DGKG: variants seen among roughly 807,000 people sequenced by gnomAD.
The protein encoded by DGKG is DAG kinase gamma.
Under a neutral mutation model 105.3 loss-of-function variants are expected in DGKG, and 78 were observed. The ratio of observed to expected loss-of-function variants is 0.74; its 90% confidence interval spans 0.62 to 0.89. DGKG has a LOEUF of 0.89. Among genes scored for constraint, DGKG ranks in the 40% least tolerant of loss-of-function variants. The pLI, the probability that DGKG is intolerant of heterozygous loss-of-function variation, is 0.00. For missense variants in DGKG, 958 were observed against 1,020.1 expected (o/e 0.94, Z 0.83); for synonymous variants, 346 against 367.1 (o/e 0.94, Z 0.66).
rs762778462 is a variant in DGKG, at chr3:186,188,268, G to C, written c.2029C>G (p.Arg677Gly). 23 of 1,613,996 alleles carry C rather than the reference G, an allele frequency of 1.4e-5. No homozygotes were observed. The South Asian group carries it at 2.5e-4, about 18-fold the overall frequency. The part of the protein sequence containing the change: ...TNLWGENKKN[R>G]AVIRESRKGV... ...TTCCTGCTTTCCCGGATCACAGCCC[G>C]GTTCTTCTTGTTTTCTCCCCAGAGA... is the stretch of plus-strand genomic sequence containing the variant. The change falls in exon 22 of 25, where the codon CGG (arginine) becomes GGG (glycine). Residue 677 changes from arginine (R) to glycine (G), a missense_variant. Around this residue, in one of 2 missense-constraint regions of DGKG, gnomAD observed 315 missense variants for 400.6 expected, o/e 0.79. Coordinates refer to ENST00000265022, the MANE Select transcript of DGKG (RefSeq NM_001346.3).
In DGKG at chr3:186,188,137, C is replaced by T. The variant is rs781666602; in HGVS notation, c.2095+65G>A. 3.2e-6 allele frequency: 5 copies of T among 1,579,498 alleles called. No homozygotes were observed. The African/African-American group carries it at 5.4e-5, about 17-fold the overall frequency. ...TGTGGGGCCTTACGAGGCCTGCTGACATCCACCTGAGGGCACCTACTACTG... is the reference window on the plus strand; with the variant it reads ...TGTGGGGCCTTACGAGGCCTGCTGATATCCACCTGAGGGCACCTACTACTG... On this transcript the variant is annotated intron_variant, in intron 22 of 24. Transcript: ENST00000265022.
chr3:186,236,264 T>C (rs1008905730), intron 20 of DGKG, among the ~76,000 whole-genome samples: 3 of 152,250 alleles, frequency 2.0e-5, no homozygotes, highest in Non-Finnish European at 2.9e-5. Flanking sequence ...GCCATGTCAA[T>C]GGAGCATTGA....
intron 20 of DGKG, among the ~76,000 whole-genome samples, chr3:186,221,502 G>A (rs1719579285): frequency 6.6e-6 from 1 of 152,184 alleles, no homozygotes; most frequent in African/African-American, 2.4e-5. Flanking sequence ...TTAACGGAGA[G>A]CAAAGTCAAA....
intron 20 of DGKG, among the ~76,000 whole-genome samples, chr3:186,240,256 G>A (rs554449957): frequency 4.9e-4 from 74 of 152,014 alleles, no homozygotes; most frequent in Non-Finnish European, 8.8e-4. Context: ...TCCATGCCAC[G>A]TTTCGTGTCC....
At chr3:186,263,139 C>CAAACAAAT (rs1721859908) in intron 14 of DGKG, among the ~76,000 whole-genome samples, 1 of 148,308 alleles carries the variant, frequency 6.7e-6, no homozygotes, top group Admixed American at 6.8e-5. Context: ...AAAAGAAAAA[C>CAAACAAAT]AAACAAACAA....
intron 8 of DGKG, 68 bp from the exon 9 acceptor site, chr3:186,280,041 G>A: frequency 3.2e-6 from 5 of 1,587,174 alleles, no homozygotes; most frequent in Non-Finnish European, 4.3e-6. Flanking sequence ...TTCTGCCTCT[G>A]CTGTCTTGTT....
chr3:186,349,379 A>G (rs879809776), intron 1 of DGKG, among the ~76,000 whole-genome samples: 6 of 152,102 alleles, frequency 3.9e-5, no homozygotes, highest in Non-Finnish European at 7.4e-5. Context: ...TTGTGCTTCC[A>G]CTGCATGATT....
chr3:186,167,059 A>G (rs1716582377), intron 22 of DGKG, among the ~76,000 whole-genome samples: 1 of 151,912 alleles, frequency 6.6e-6, no homozygotes, highest in Admixed American at 6.6e-5. Flanking sequence ...TGCAGCTATC[A>G]CTTCCCACAC....
intron 22 of DGKG, among the ~76,000 whole-genome samples, chr3:186,170,109 A>T (rs1045415540): frequency 6.6e-6 from 1 of 152,230 alleles, no homozygotes; most frequent in African/African-American, 2.4e-5. Flanking sequence ...AGGCTAGGCC[A>T]GTGGTTCCTA....
intron 21 of DGKG, among the ~76,000 whole-genome samples, chr3:186,197,189 G>GGCCAT (rs1373685737): frequency 1.4e-4 from 22 of 152,058 alleles, no homozygotes; most frequent in Admixed American, 1.4e-3. Context: ...GTAAATGCTG[G>GGCCAT]GCCATGTCTG....
At chr3:186,283,926 G>A (rs746834985) in intron 7 of DGKG, among the ~76,000 whole-genome samples, 18 of 152,098 alleles carry the variant, frequency 1.2e-4, no homozygotes, top group Admixed American at 2.0e-4. Context: ...CAACCTCAGG[G>A]CCTTCCTGTT....
chr3:186,252,047 G>T (rs1721252346), intron 18 of DGKG, 128 bp from the exon 19 acceptor site: 3 of 838,046 alleles, frequency 3.6e-6, no homozygotes, highest in South Asian at 2.2e-5. Context: ...GTGTCTGTGG[G>T]CTAGAGACAC....
intron 2 of DGKG, among the ~76,000 whole-genome samples, chr3:186,308,074 C>A (rs1724342958): frequency 6.6e-6 from 1 of 152,090 alleles, no homozygotes; most frequent in Non-Finnish European, 1.5e-5. Context: ...CCACCCCCCG[C>A]CATGATTTCC....
At chr3:186,216,025 G>A (rs968734204) in intron 20 of DGKG, among the ~76,000 whole-genome samples, 3 of 151,554 alleles carry the variant, frequency 2.0e-5, no homozygotes, top group Non-Finnish European at 4.4e-5. Context: ...GTGGGGCAGA[G>A]TCTCATTCTG....
chr3:186,203,703 T>C lies in DGKG; in HGVS notation c.1917+8092A>G, dbSNP rs1263060331. Among the ~76,000 whole-genome samples the C allele has an allele frequency of 6.6e-6, 1 of 152,202 alleles. No homozygotes were observed. The highest frequency in any genetic ancestry group is 6.5e-5 in the Admixed American group (1 of 15,282). ...TCTCAGGACCATTCTAGCCTTACTT[T>C]TGACTCCATGGTTTGATATGTAATC... On this transcript the variant is annotated intron_variant, in intron 21 of 24. Transcript: ENST00000265022. This position sits in a 1 kb window ranked among gnomAD's most constrained non-coding sequence, Gnocchi z 4.9.
At chr3:186,262,863 T>G (rs1185117922) in intron 14 of DGKG, among the ~76,000 whole-genome samples, 3 of 152,208 alleles carry the variant, frequency 2.0e-5, no homozygotes, top group Admixed American at 1.3e-4. Flanking sequence ...GCATGATCAC[T>G]CACGCCTATA....
At chr3:186,195,672 A>AT (rs1330431263) in intron 21 of DGKG, among the ~76,000 whole-genome samples, 4 of 152,218 alleles carry the variant, frequency 2.6e-5, no homozygotes, top group Middle Eastern at 6.8e-3. Flanking sequence ...GGTGATGCTG[A>AT]TGTTGCAGGT....
intron 22 of DGKG, among the ~76,000 whole-genome samples, chr3:186,170,449 CTG>C (rs1409992363): frequency 1.3e-5 from 2 of 152,176 alleles, no homozygotes; most frequent in Non-Finnish European, 2.9e-5. Flanking sequence ...GCCCAGCAGT[CTG>C]TGTTCTGACA....
At chr3:186,242,002 C>T (rs1720709354) in intron 20 of DGKG, among the ~76,000 whole-genome samples, 1 of 152,198 alleles carries the variant, frequency 6.6e-6, no homozygotes, top group South Asian at 2.1e-4. Context: ...TGCTGCTGCC[C>T]TCTGCTGTCG....
Sources: gnomAD v4.1 joint callset for allele counts (sites outside exome capture counted in the v4.1 genomes callset) on GRCh38, gnomAD v4.1.1 for gene constraint, gnomAD v4.1.1 regional missense constraint, Gnocchi (gnomAD v3.1) non-coding constraint, MANE v1.5 for transcripts, NCBI Gene and HGNC (gene_info 2026-07-23, HGNC 2026-07-21) for gene names.